The following ERG variants were observed in gnomAD, a reference collection of about 807,000 sequenced individuals.
ERG encodes the protein ETS transcription factor ERG, also known as transcriptional regulator ERG.
ERG carries 9 observed loss-of-function variants against 55.3 expected under a neutral mutation model. That is an observed-to-expected ratio of 0.16 (90% CI 0.10 to 0.28). The LOEUF is 0.28. Among genes scored for constraint, ERG ranks in the 10% least tolerant of loss-of-function variants. ERG has a pLI of 1.00. For missense variants in ERG, 434 were observed against 631.6 expected (o/e 0.69, Z 3.35); for synonymous variants, 223 against 237.3 (o/e 0.94, Z 0.55).
Position 38,382,843 on chromosome 21 carries a change from C to A in ERG, c.*560G>T. 9.4e-7 allele frequency: 1 copy of A among 1,066,060 alleles called. No individual in the cohort carries two copies. The highest frequency in any genetic ancestry group is 1.1e-6 in the Non-Finnish European group (1 of 879,478). The allele number at this position is 1,066,060 out of a possible 1,614,324, so 66.0% of individuals were successfully genotyped here. On this transcript the variant is annotated 3_prime_UTR_variant, in exon 10 of 10. Coordinates refer to ENST00000288319, the MANE Select transcript of ERG (RefSeq NM_182918.4). ...AGAAAGCTGACAGCTGTCCATCAAACGGAATGTATTTGATTTCAACCAAAA... is the reference window on the plus strand; with the variant it reads ...AGAAAGCTGACAGCTGTCCATCAAAAGGAATGTATTTGATTTCAACCAAAA...
chr21:38,546,030 T>C (rs921994525), intron 2 of ERG, among the ~76,000 whole-genome samples: 3 of 152,182 alleles, frequency 2.0e-5, no homozygotes, highest in Non-Finnish European at 4.4e-5. Context: ...GGCTTGAGCC[T>C]AGAGTCATCT....
At chr21:38,440,310 C>T (rs1441089181) in intron 2 of ERG, among the ~76,000 whole-genome samples, 3 of 152,186 alleles carry the variant, frequency 2.0e-5, no homozygotes, top group Admixed American at 6.5e-5. Flanking sequence ...GCACTCCTGG[C>T]GGGGCTCCTC....
chr21:38,543,365 A>T (rs567576511), intron 2 of ERG, among the ~76,000 whole-genome samples: 972 of 14,528 alleles, frequency 0.067, 11 homozygotes, highest in Admixed American at 0.23. Context: ...GTTTTTTTTT[A>T]AAAAAAAAGC....
rs55950649 is a variant in ERG at position 38,380,461 on chromosome 21, A to G, written c.*2942T>C. On this transcript the variant is annotated 3_prime_UTR_variant, in exon 10 of 10. Coordinates refer to ENST00000288319, the MANE Select transcript of ERG (RefSeq NM_182918.4). ...GTGATTTTACCACATACAAGGCCCG[A>G]AAGCCAATTGAAGACAAGAAAAGAA... 1.1e-4 allele frequency: 115 copies of G among 1,064,862 alleles called. No individual in the cohort carries two copies. In the African/African-American group the frequency reaches 1.7e-3, roughly 16 times the overall value. 66.0% of individuals were successfully genotyped at this position (1,064,862 alleles called of 1,614,324 possible). A position where few individuals can be genotyped will look rare whatever the true frequency, so the allele number is the denominator to read the frequency against.
At chr21:38,411,936 A>G (rs1195550830) in intron 3 of ERG, among the ~76,000 whole-genome samples, 1 of 152,174 alleles carries the variant, frequency 6.6e-6, no homozygotes, top group Non-Finnish European at 1.5e-5. Flanking sequence ...TTTTTTCACT[A>G]TGTAATGACC....
rs1297248746 is a variant in ERG at position 38,429,515 on chromosome 21, A to ATG, written c.237-5955_237-5954insCA. Among the ~76,000 whole-genome samples, 18 of 131,406 alleles carry ATG rather than the reference A, an allele frequency of 1.4e-4. 8 individuals carry two copies. The highest frequency in any genetic ancestry group is 3.2e-4 in the Admixed American group (4 of 12,458). 86.2% of individuals were successfully genotyped at this position (131,406 alleles called of 152,430 possible). ...CATGTACATATATACATATGTGTAT[A>ATG]TACATGTATGCACATGTACATATAT... On this transcript the variant is annotated intron_variant, in intron 2 of 9. Transcript: ENST00000288319.
intron 2 of ERG, among the ~76,000 whole-genome samples, chr21:38,552,083 T>C (rs2059827873): frequency 6.6e-6 from 1 of 152,160 alleles, no homozygotes; most frequent in Admixed American, 6.5e-5. Flanking sequence ...GGACCCTTTA[T>C]CATTATATAA....
At chr21:38,508,375 C>T (rs770220883) in intron 2 of ERG, among the ~76,000 whole-genome samples, 41 of 151,916 alleles carry the variant, frequency 2.7e-4, no homozygotes, top group South Asian at 8.3e-4. Flanking sequence ...GCTAATAGTA[C>T]CTGTAAGCAA....
In ERG at chr21:38,380,174, G is replaced by GT; in HGVS notation, c.*3228_*3229insA. On this transcript the variant is annotated 3_prime_UTR_variant, in exon 10 of 10. Coordinates refer to ENST00000288319, the MANE Select transcript of ERG (RefSeq NM_182918.4). ...TTTCTCCAGGCAATGGGTCACTTTG[G>GT]GGCGCTGCAGAACATCTGTGCTTTC... is the stretch of plus-strand genomic sequence containing the variant. 2.9e-6 allele frequency: 3 copies of GT among 1,046,396 alleles called. No homozygotes were observed. Among genetic ancestry groups the GT allele is most frequent in the Non-Finnish European group, 3.5e-6 (3 of 867,546 alleles). The allele number at this position is 1,046,396 out of a possible 1,614,324, so 64.8% of individuals were successfully genotyped here.
intron 1 of ERG, among the ~76,000 whole-genome samples, chr21:38,580,296 T>G (rs909822560): frequency 2.0e-5 from 3 of 152,234 alleles, no homozygotes; most frequent in African/African-American, 7.2e-5. Flanking sequence ...TGTTCTTTTT[T>G]ACCATTTCAG....
At chr21:38,569,023 C>T (rs964303036) in intron 2 of ERG, among the ~76,000 whole-genome samples, 13 of 152,194 alleles carry the variant, frequency 8.5e-5, no homozygotes, top group African/African-American at 2.7e-4. Flanking sequence ...GTGCAGACTA[C>T]AGGCAGCCCC....
At chr21:38,552,815 T>G (rs1424147046) in intron 2 of ERG, among the ~76,000 whole-genome samples, 1 of 143,770 alleles carries the variant, frequency 7.0e-6, no homozygotes, top group Admixed American at 7.2e-5. Flanking sequence ...AATATAGTAC[T>G]GGAAGTCCTA....
intron 1 of ERG, among the ~76,000 whole-genome samples, chr21:38,609,896 G>A (rs556084517): frequency 1.1e-4 from 16 of 152,324 alleles, no homozygotes; most frequent in Admixed American, 5.9e-4. Flanking sequence ...AAGCATTAGC[G>A]TGTGTTGAAT....
intron 1 of ERG, among the ~76,000 whole-genome samples, chr21:38,631,208 A>T (rs1394441808): frequency 6.6e-6 from 1 of 152,186 alleles, no homozygotes; most frequent in Non-Finnish European, 1.5e-5. Flanking sequence ...TTGAGAAAAA[A>T]GATTTGGCAC....
At chr21:38,555,323 T>C (rs1009540226) in intron 2 of ERG, among the ~76,000 whole-genome samples, 5 of 112,066 alleles carry the variant, frequency 4.5e-5, no homozygotes, top group African/African-American at 1.3e-4. Context: ...GGAGACTCTG[T>C]CTCAAAAAAA....
Position 38,380,605 on chromosome 21 carries a change from A to AG in ERG, c.*2797dup. 9.4e-7 allele frequency: 1 copy of AG among 1,065,560 alleles called. No individual in the cohort carries two copies. Among genetic ancestry groups the AG allele is most frequent in the Non-Finnish European group, 1.1e-6 (1 of 879,452 alleles). The allele number at this position is 1,065,560 out of a possible 1,614,324, so 66.0% of individuals were successfully genotyped here. A position where few individuals can be genotyped will look rare whatever the true frequency, so the allele number is the denominator to read the frequency against. ...TCATGCAATTATGAATATGACCTGG[A>AG]GGGGGCTTTGGAATTAGATTACAAC... is the stretch of plus-strand genomic sequence containing the variant. On this transcript the variant is annotated 3_prime_UTR_variant, in exon 10 of 10. Transcript: ENST00000288319.
intron 1 of ERG, chr21:38,451,106 TG>T: frequency 2.2e-6 from 1 of 462,478 alleles, no homozygotes. Flanking sequence ...CCATGAGAGA[TG>T]GAATCACCTA....
At chr21:38,571,290 T>C (rs1207078866) in intron 2 of ERG, among the ~76,000 whole-genome samples, 3 of 152,024 alleles carry the variant, frequency 2.0e-5, no homozygotes, top group Admixed American at 6.6e-5. Flanking sequence ...GGTGGGAGGA[T>C]TGCTTGAGCC....
At chr21:38,616,895 T>G (rs2060262387) in intron 1 of ERG, among the ~76,000 whole-genome samples, 1 of 152,348 alleles carries the variant, frequency 6.6e-6, no homozygotes, top group East Asian at 1.9e-4. Context: ...ATTCCAACAA[T>G]GCTACTACTC....
Sources: gnomAD v4.1 joint callset for allele counts (sites outside exome capture counted in the v4.1 genomes callset) on GRCh38, gnomAD v4.1.1 for gene constraint, MANE v1.5 for transcripts, NCBI Gene and HGNC (gene_info 2026-07-23, HGNC 2026-07-21) for gene names.